The following UBA1 variants were observed in gnomAD, a reference collection of about 807,000 sequenced individuals.
UBA1 encodes ubiquitin-like modifier-activating enzyme 1.
In UBA1, 4 loss-of-function variants were observed where a neutral mutation model predicts 84.7. The ratio of observed to expected loss-of-function variants is 0.05; its 90% CI spans 0.02 to 0.11. UBA1 has a LOEUF of 0.11. Ranked by LOEUF, UBA1 falls within the 10% of genes least tolerant of loss-of-function variation. The pLI is 1.00. For synonymous variants in UBA1, 364 were observed against 362.6 expected, an observed-to-expected ratio of 1.00 and a Z score of -0.04; for missense variants, 513 against 902.8, an observed-to-expected ratio of 0.57 and a Z score of 5.53.
At chrX:47,194,688 A>G (rs1936138443) in intron 1 of UBA1, among the ~76,000 whole-genome samples, 1 of 111,767 alleles carries the variant, frequency 8.9e-6, no homozygotes, top group Non-Finnish European at 1.9e-5. Context: ...CCCTGGCCCT[A>G]GCATCTTCCA....
chrX:47,198,644 TA>T (rs1167606419), intron 1 of UBA1, among the ~76,000 whole-genome samples, 158 bp from the exon 2 acceptor site: 1 of 111,981 alleles, frequency 8.9e-6, no homozygotes, highest in Non-Finnish European at 1.9e-5. Context: ...ACAGCTGTGT[TA>T]CCCTGGGCAA....
rs781792791 is a variant in UBA1, at chrX:47,202,594, C to G, written c.1057-44C>G. ...TGCGTGTCCACACTCCCTGCCCTCA[C>G]TGTGGCCTGACATATCCTCTCTTGG... On this transcript the variant is annotated intron_variant, in intron 10 of 25. Transcript: ENST00000335972. 6.6e-6 allele frequency: 8 copies of G among 1,209,778 alleles called. No homozygotes were observed. The South Asian group carries it at 1.4e-4, about 21-fold the overall frequency.
intron 5 of UBA1, 92 bp downstream of exon 5, chrX:47,199,706 C>A (rs145097857): frequency 1.9e-6 from 2 of 1,070,823 alleles, no homozygotes; most frequent in African/African-American, 3.7e-5. Flanking sequence ...TTTAATGGGT[C>A]GGCCTGAATG....
At chrX:47,194,712 C>G (rs1381108033) in intron 1 of UBA1, among the ~76,000 whole-genome samples, 1 of 111,649 alleles carries the variant, frequency 9.0e-6, no homozygotes, top group Non-Finnish European at 1.9e-5. Flanking sequence ...GAGACTCTGC[C>G]CAGTATTTCT....
chrX:47,196,025 C>G (rs1936195290), intron 1 of UBA1, among the ~76,000 whole-genome samples: 1 of 111,041 alleles, frequency 9.0e-6, no homozygotes, highest in Non-Finnish European at 1.9e-5. Flanking sequence ...CCTCCTCAGA[C>G]TCTAGAATCC....
intron 13 of UBA1, 29 bp from the exon 14 acceptor site, chrX:47,203,512 C>T (rs1168173883): frequency 8.3e-7 from 1 of 1,209,019 alleles, no homozygotes; most frequent in Non-Finnish European, 1.1e-6. Flanking sequence ...CCTGACCAGC[C>T]TCTGCCTGTC....
chrX:47,198,874 C>T lies in UBA1; in HGVS notation c.72C>T (p.Ser24=), dbSNP rs1329218682. ...ATCCAAAGCCGGGTTCTAACTGCTC[C>T]CCTGCCCAGTCCGTGTTGTCCGAAG... ...GPDPKPGSNC[S]PAQSVLSEVP... Residue 24 remains serine (S), a synonymous_variant, in exon 2 of 26, where the codon TCC becomes TCT. Transcript: ENST00000335972. The T allele has an allele frequency of 3.3e-6, 4 of 1,212,184 alleles. No individual in the cohort carries two copies. The highest frequency in any genetic ancestry group is 2.2e-5 in the Admixed American group (1 of 46,094).
Position 47,202,194 on chromosome X carries a change from T to C in UBA1, c.850T>C (p.Ser284Pro). Residue 284 changes from serine (S) to proline (P), a missense_variant, in exon 9 of 26, where the codon TCC (serine) becomes CCC (proline). Transcript: ENST00000335972. ...TAGCATCTGTGACACCTCCAACTTC[T>C]CCGACTACATCCGTGGAGGCATCGT... ...TFSICDTSNFSDYIRGGIVSQ... is the reference protein window; with the variant it reads ...TFSICDTSNFPDYIRGGIVSQ... 3 of 1,210,415 alleles carry C rather than the reference T, an allele frequency of 2.5e-6. No homozygotes were observed. The highest frequency in any genetic ancestry group is 3.4e-6 in the Non-Finnish European group (3 of 894,802).
At chrX:47,211,455 TTTTACTCTTGC>T (rs1412035714) in intron 20 of UBA1, among the ~76,000 whole-genome samples, 1 of 111,773 alleles carries the variant, frequency 8.9e-6, no homozygotes, top group East Asian at 2.8e-4. Flanking sequence ...GAACTTGCTG[TTTTACTCTTGC>T]TCTGTGTATT....
intron 23 of UBA1, among the ~76,000 whole-genome samples, chrX:47,213,911 A>AG (rs1441896107): frequency 4.5e-5 from 5 of 110,644 alleles, no homozygotes; most frequent in African/African-American, 1.6e-4. Context: ...CCAGGGGGCG[A>AG]GGGGATGTAT....
At chrX:47,197,913 C>G (rs1936261477) in intron 1 of UBA1, 1 of 777,849 alleles carries the variant, frequency 1.3e-6, no homozygotes, top group Admixed American at 7.0e-5. Flanking sequence ...ACCCTGAGGA[C>G]AGAGTGAGAC....
At chrX:47,211,627 T>C in intron 20 of UBA1, among the ~76,000 whole-genome samples, 1 of 110,587 alleles carries the variant, frequency 9.0e-6, no homozygotes, top group East Asian at 2.8e-4. Flanking sequence ...TGTTTCTCTG[T>C]GCATCTTCAC....
chrX:47,211,353 C>A, intron 20 of UBA1, 128 bp downstream of exon 20: 2 of 778,300 alleles, frequency 2.6e-6, no homozygotes. Flanking sequence ...TTACCCACAC[C>A]TTCCTTTGAG....
Position 47,214,625 on chromosome X carries a change from G to A in UBA1, c.3029G>A (p.Arg1010Gln). ...ATGCCAGCTGCCAAGCTCAAGGAAC[G>A]GTTGGATCAGCCGTGAGTTGGACAC... is the stretch of plus-strand genomic sequence containing the variant. ...FFMPAAKLKE[R>Q]LDQPMTEIVS... The change falls in exon 25 of 26, where the codon CGG (arginine) becomes CAG (glutamine). Residue 1010 changes from arginine to glutamine, a missense_variant. Transcript: ENST00000335972. The A allele has an allele frequency of 1.7e-6, 2 of 1,209,568 alleles. No individual in the cohort carries two copies. Among genetic ancestry groups the A allele is most frequent in the Non-Finnish European group, 2.2e-6 (2 of 894,319 alleles).
chrX:47,197,515 C>T, intron 1 of UBA1: 1 of 754,536 alleles, frequency 1.3e-6, no homozygotes, highest in African/African-American at 2.3e-5. Flanking sequence ...GAACAGAAGA[C>T]TCAGTGCCTA....
intron 25 of UBA1, 21 bp downstream of exon 25, chrX:47,214,658 G>A: frequency 8.3e-7 from 1 of 1,198,833 alleles, no homozygotes; most frequent in Non-Finnish European, 1.1e-6. Flanking sequence ...CACTGGCCAG[G>A]CTAGGGGAGG....
At position 47,202,887 on chromosome X, in the gene UBA1, CTG is replaced by C. The variant is rs1338786091; in HGVS notation, c.1234-52_1234-51del. The C allele has an allele frequency of 2.3e-5, 28 of 1,198,480 alleles. 1 individual carries two copies. The highest frequency in any genetic ancestry group is 2.9e-5 in the Non-Finnish European group (26 of 886,497). On this transcript the variant is annotated intron_variant, in intron 11 of 25. Coordinates refer to ENST00000335972, the MANE Select transcript of UBA1 (RefSeq NM_003334.4). ...CATGACTCTGTCACTTGCTCTCTGT[CTG>C]TGTCAGGCCCCTGTTAACCACTGAC...
At chrX:47,210,713 C>T in intron 18 of UBA1, 129 bp from the exon 19 acceptor site, 1 of 637,288 alleles carries the variant, frequency 1.6e-6, no homozygotes, top group Non-Finnish European at 2.5e-6. Context: ...TGATTGGCTC[C>T]AGTCCGCATC....
At position 47,207,798 on chromosome X, in the gene UBA1, C is replaced by G. The variant is rs782811054; in HGVS notation, c.1938+1354C>G. Among the ~76,000 whole-genome samples, 10 of 112,267 alleles carry G rather than the reference C, an allele frequency of 8.9e-5. No homozygotes were observed. In the East Asian group the frequency reaches 2.2e-3, roughly 25 times the overall value. On this transcript the variant is annotated intron_variant, in intron 16 of 25. Transcript: ENST00000335972. Reference sequence around the variant, plus strand: ...AGGTCATGTGTAACCTTGAACTTAACCTCTCTGTGCCGCAGATTCCTGTTC... The same window carrying G: ...AGGTCATGTGTAACCTTGAACTTAAGCTCTCTGTGCCGCAGATTCCTGTTC...
Sources: allele counts gnomAD v4.1 joint callset (sites outside exome capture counted in the v4.1 genomes callset), GRCh38; gene constraint gnomAD v4.1.1; transcripts MANE v1.5; gene names NCBI Gene and HGNC (gene_info 2026-07-23, HGNC 2026-07-21).